Variants in EDEM3 observed in about 807,000 individuals in gnomAD.
EDEM3 encodes ER degradation enhancing alpha-mannosidase like protein 3.
In EDEM3, 60 loss-of-function variants were observed where a neutral mutation model predicts 110.2. The ratio of observed to expected loss-of-function variants is 0.54; its 90% CI spans 0.44 to 0.67. EDEM3 has a LOEUF of 0.67. EDEM3 is among the 30% of genes least tolerant of loss of function. EDEM3 has a pLI of 0.00. For missense variants in EDEM3, 996 were observed against 1,121.0 expected (o/e 0.89, Z 1.59); for synonymous variants, 352 against 382.9 (o/e 0.92, Z 0.94).
chr1:184,700,381 AT>A (rs2102058786), intron 19 of EDEM3, among the ~76,000 whole-genome samples: 1 of 152,074 alleles, frequency 6.6e-6, no homozygotes, highest in Non-Finnish European at 1.5e-5. Flanking sequence ...TCTGGAGAAC[AT>A]TTTATTGTTC....
intron 17 of EDEM3, 139 bp downstream of exon 17, chr1:184,708,014 C>T (rs1195186952): frequency 7.9e-6 from 6 of 762,644 alleles, no homozygotes; most frequent in Non-Finnish European, 1.2e-5. Flanking sequence ...CATGCTTTTA[C>T]TTTACTTAAA....
intron 13 of EDEM3, among the ~76,000 whole-genome samples, chr1:184,714,695 A>T (rs913206602): frequency 6.6e-6 from 1 of 152,212 alleles, no homozygotes; most frequent in African/African-American, 2.4e-5. Flanking sequence ...AGATCATTGA[A>T]AACTGGTAGT....
At chr1:184,700,278 T>A (rs1571345877) in intron 19 of EDEM3, among the ~76,000 whole-genome samples, 2 of 152,124 alleles carry the variant, frequency 1.3e-5, no homozygotes, top group East Asian at 3.9e-4. Context: ...TTCTATTTTC[T>A]GTATTAAATA....
intron 13 of EDEM3, among the ~76,000 whole-genome samples, chr1:184,714,737 A>G (rs1650450746): frequency 6.6e-6 from 1 of 152,200 alleles, no homozygotes; most frequent in Non-Finnish European, 1.5e-5. Flanking sequence ...CTAGACCAAA[A>G]TCTAGAAACA....
chr1:184,727,794 C>T (rs1345092380), intron 6 of EDEM3, among the ~76,000 whole-genome samples: 1 of 152,156 alleles, frequency 6.6e-6, no homozygotes, highest in Non-Finnish European at 1.5e-5. Flanking sequence ...ATTATCTCTA[C>T]CATTTGTACT....
At chr1:184,740,694 A>C (rs1162116839) in intron 2 of EDEM3, among the ~76,000 whole-genome samples, 1 of 152,236 alleles carries the variant, frequency 6.6e-6, no homozygotes, top group Non-Finnish European at 1.5e-5. Flanking sequence ...AGGTGACAAC[A>C]CGAAGTGAAA....
Position 184,754,833 on chromosome 1 carries a change from G to A in EDEM3, c.-187C>T. ...GGTCCCCAGCGCCAGCGCTGCCACC[G>A]CCCTCCGCCCTCAGTATCCCGGAGC... On this transcript the variant is annotated 5_prime_UTR_variant, in exon 1 of 20. Transcript: ENST00000318130. 3 of 928,588 alleles carry A rather than the reference G, an allele frequency of 3.2e-6. No individual in the cohort carries two copies. The highest frequency in any genetic ancestry group is 3.0e-6 in the Non-Finnish European group (2 of 659,568). The allele number at this position is 928,588 out of a possible 1,614,324, so 57.5% of individuals were successfully genotyped here.
At chr1:184,730,419 C>T (rs943726332) in intron 6 of EDEM3, among the ~76,000 whole-genome samples, 2 of 151,902 alleles carry the variant, frequency 1.3e-5, no homozygotes, top group Non-Finnish European at 2.9e-5. Flanking sequence ...TCCATCTCTA[C>T]AAAAATTTTT....
intron 15 of EDEM3, 65 bp from the exon 16 acceptor site, chr1:184,710,612 T>A: frequency 6.7e-7 from 1 of 1,497,948 alleles, no homozygotes; most frequent in Non-Finnish European, 8.9e-7. Flanking sequence ...AAAACACATG[T>A]CAAATAAAAA....
At chr1:184,754,225 G>A (rs532208921) in intron 1 of EDEM3, among the ~76,000 whole-genome samples, 24 of 152,316 alleles carry the variant, frequency 1.6e-4, no homozygotes, top group Middle Eastern at 3.4e-3. Context: ...CATGGCAGCC[G>A]CGTTGACACA....
intron 6 of EDEM3, among the ~76,000 whole-genome samples, chr1:184,729,916 A>T (rs1651407591): frequency 6.6e-6 from 1 of 152,214 alleles, no homozygotes; most frequent in Non-Finnish European, 1.5e-5. Context: ...CAAAAACTAA[A>T]AGTATTTACT....
intron 2 of EDEM3, among the ~76,000 whole-genome samples, chr1:184,740,739 T>G (rs961842400): frequency 5.9e-5 from 9 of 152,182 alleles, no homozygotes; most frequent in African/African-American, 2.2e-4. Context: ...ATCAACAAAT[T>G]TTAGCTGACC....
At chr1:184,749,259 T>A (rs1321301607) in intron 2 of EDEM3, among the ~76,000 whole-genome samples, 1 of 152,164 alleles carries the variant, frequency 6.6e-6, no homozygotes, top group Non-Finnish European at 1.5e-5. Context: ...TCTTCATGTA[T>A]ATATCCACAA....
intron 13 of EDEM3, among the ~76,000 whole-genome samples, chr1:184,715,889 C>G (rs1009821523): frequency 2.0e-5 from 3 of 152,102 alleles, no homozygotes; most frequent in African/African-American, 4.8e-5. Flanking sequence ...AGATTCGAAG[C>G]CTAATTAACC....
Position 184,690,467 on chromosome 1 carries a change from GCA to G in EDEM3, c.*3594_*3595del, listed in dbSNP as rs1041893693. 6.6e-6 allele frequency: 1 copy of G among 152,044 alleles called. No homozygotes were observed. The highest frequency in any genetic ancestry group is 2.4e-5 in the African/African-American group (1 of 41,262). The allele number at this position is 152,044 out of a possible 1,614,324, so 9.4% of individuals were successfully genotyped here. A position where few individuals can be genotyped will look rare whatever the true frequency, so the allele number is the denominator to read the frequency against. ...TCAAGACATAAAAGTATGAGGATATGCACAGTGATTCTAAAAATTCAAATTAA... is the reference window on the plus strand; with the variant it reads ...TCAAGACATAAAAGTATGAGGATATGCAGTGATTCTAAAAATTCAAATTAA... On this transcript the variant is annotated 3_prime_UTR_variant, in exon 20 of 20. Coordinates refer to ENST00000318130, the MANE Select transcript of EDEM3 (RefSeq NM_025191.4).
chr1:184,722,217 T>G, intron 8 of EDEM3, among the ~76,000 whole-genome samples: 1 of 152,018 alleles, frequency 6.6e-6, no homozygotes, highest in Non-Finnish European at 1.5e-5. Flanking sequence ...ACATTTCATT[T>G]CTATTGTAAG....
chr1:184,709,114 A>T lies in EDEM3; in HGVS notation c.1846-770T>A, dbSNP rs148372459. Among the ~76,000 whole-genome samples the T allele has an allele frequency of 2.6e-5, 4 of 152,318 alleles. No individual in the cohort carries two copies. In the East Asian group the frequency reaches 7.7e-4, roughly 29 times the overall value. ...AGTTCAAACCTATCCTGAAATTTCC[A>T]GCTTTGATGACTTAAAGAATGATGA... On this transcript the variant is annotated intron_variant, in intron 16 of 19. Coordinates refer to ENST00000318130, the MANE Select transcript of EDEM3 (RefSeq NM_025191.4).
chr1:184,754,370 G>C, intron 1 of EDEM3, 119 bp downstream of exon 1: 1 of 1,475,590 alleles, frequency 6.8e-7, no homozygotes, highest in Non-Finnish European at 9.1e-7. Context: ...GTTCTCGCGC[G>C]GGAAGAGCCG....
intron 15 of EDEM3, among the ~76,000 whole-genome samples, chr1:184,710,844 G>A (rs1475411665): frequency 6.6e-6 from 1 of 152,042 alleles, no homozygotes; most frequent in Non-Finnish European, 1.5e-5. Context: ...TGTTACTATT[G>A]ATGTTATCCT....
Sources: allele counts gnomAD v4.1 joint callset (sites outside exome capture counted in the v4.1 genomes callset), GRCh38; gene constraint gnomAD v4.1.1; transcripts MANE v1.5; gene names NCBI Gene and HGNC (gene_info 2026-07-23, HGNC 2026-07-21).